OPCML: variants seen among roughly 807,000 people sequenced by gnomAD.
The protein encoded by OPCML is opioid-binding protein/cell adhesion molecule.
OPCML carries 13 observed loss-of-function variants against 37.8 expected under a neutral mutation model. The observed-to-expected ratio is 0.34, with a 90% CI of 0.22 to 0.55. The LOEUF is 0.55. OPCML is among the 20% of genes least tolerant of loss of function. The pLI is 0.91. For synonymous variants in OPCML, 176 were observed against 168.8 expected, an observed-to-expected ratio of 1.04 and a Z score of -0.33; for missense variants, 341 against 435.6, an observed-to-expected ratio of 0.78 and a Z score of 1.93.
At chr11:132,512,739 C>T (rs2096271589) in intron 4 of OPCML, among the ~76,000 whole-genome samples, 1 of 148,616 alleles carries the variant, frequency 6.7e-6, no homozygotes, top group Non-Finnish European at 1.5e-5. Context: ...ACATATTTTG[C>T]TAAATATATA....
At chr11:132,617,958 A>G (rs150711767) in intron 3 of OPCML, among the ~76,000 whole-genome samples, 34 of 152,322 alleles carry the variant, frequency 2.2e-4, no homozygotes, top group African/African-American at 8.2e-4. Context: ...TTCAGTCTAT[A>G]ACAGGTACCA....
intron 1 of OPCML, among the ~76,000 whole-genome samples, chr11:133,458,954 A>C (rs924290969): frequency 6.6e-6 from 1 of 151,846 alleles, no homozygotes; most frequent in African/African-American, 2.4e-5. Flanking sequence ...ATTAACAGAA[A>C]TTTTGGCCTG....
intron 1 of OPCML, among the ~76,000 whole-genome samples, chr11:133,431,488 G>A (rs918717228): frequency 6.6e-5 from 10 of 151,884 alleles, no homozygotes; most frequent in African/African-American, 1.2e-4. Context: ...TTTTCGACGC[G>A]GAGTTTTGCT....
At chr11:132,507,408 T>C (rs1315051044) in intron 4 of OPCML, among the ~76,000 whole-genome samples, 1 of 151,936 alleles carries the variant, frequency 6.6e-6, no homozygotes, top group African/African-American at 2.4e-5. Context: ...ACCATATGAA[T>C]TATATATAAC....
At chr11:133,047,235 G>A (rs1330723091) in intron 1 of OPCML, among the ~76,000 whole-genome samples, 1 of 152,202 alleles carries the variant, frequency 6.6e-6, no homozygotes, top group Non-Finnish European at 1.5e-5. Context: ...CACTTTTAGG[G>A]GAAACCCCAG....
intron 2 of OPCML, among the ~76,000 whole-genome samples, chr11:132,750,552 TAGC>T (rs1410646736): frequency 5.3e-5 from 8 of 152,136 alleles, no homozygotes; most frequent in Non-Finnish European, 1.2e-4. Context: ...CTTAGCAAAA[TAGC>T]AGCAAGTCAA....
chr11:132,764,004 G>T (rs1238465747), intron 2 of OPCML, among the ~76,000 whole-genome samples: 1 of 152,202 alleles, frequency 6.6e-6, no homozygotes, highest in Non-Finnish European at 1.5e-5. Context: ...CTCCCTCTAG[G>T]CCTCAAAGGC....
chr11:133,082,937 C>A (rs1156705831), intron 1 of OPCML, among the ~76,000 whole-genome samples: 1 of 150,578 alleles, frequency 6.6e-6, no homozygotes, highest in Admixed American at 6.6e-5. Context: ...CCGGGGCGGA[C>A]GTCGCGCCAG....
chr11:133,200,055 T>A (rs1938704562), intron 1 of OPCML, among the ~76,000 whole-genome samples: 1 of 152,112 alleles, frequency 6.6e-6, no homozygotes, highest in Non-Finnish European at 1.5e-5. Context: ...GCCAAATAGT[T>A]CTGCATTGCT....
At chr11:133,044,485 A>G (rs1243913794) in intron 1 of OPCML, among the ~76,000 whole-genome samples, 5 of 152,172 alleles carry the variant, frequency 3.3e-5, no homozygotes, top group African/African-American at 1.2e-4. Context: ...ACTGAGTCAC[A>G]CCAGTCTTTA....
intron 1 of OPCML, among the ~76,000 whole-genome samples, chr11:133,450,793 A>G (rs1470878146): frequency 6.6e-6 from 1 of 151,646 alleles, no homozygotes; most frequent in Non-Finnish European, 1.5e-5. Flanking sequence ...TGTCCTGGAT[A>G]GCTCAATGTG....
intron 4 of OPCML, among the ~76,000 whole-genome samples, chr11:132,486,410 G>A (rs2096200040): frequency 6.6e-6 from 1 of 151,898 alleles, no homozygotes; most frequent in Non-Finnish European, 1.5e-5. Flanking sequence ...TTTCTTCATT[G>A]TTAAAAAAAA....
At chr11:132,468,484 C>A (rs1195304218) in intron 4 of OPCML, among the ~76,000 whole-genome samples, 2 of 152,110 alleles carry the variant, frequency 1.3e-5, no homozygotes, top group African/African-American at 4.8e-5. Context: ...AAAACGATTT[C>A]TAAAAATCTT....
At chr11:133,487,587 A>T (rs534347013) in intron 1 of OPCML, among the ~76,000 whole-genome samples, 1 of 152,036 alleles carries the variant, frequency 6.6e-6, no homozygotes, top group African/African-American at 2.4e-5. Context: ...TCTTTTATTC[A>T]TCTGCTTATC....
At chr11:133,220,235 C>T (rs558964369) in intron 1 of OPCML, among the ~76,000 whole-genome samples, 85 of 152,262 alleles carry the variant, frequency 5.6e-4, no homozygotes, top group African/African-American at 2.0e-3. Flanking sequence ...TGCTGCCAGA[C>T]AGGAGAGGGA....
rs1256650928 is a variant in OPCML, at chr11:132,810,576, T to C, written c.146+132350A>G. Among the ~76,000 whole-genome samples, 3 of 152,172 alleles carry C rather than the reference T, an allele frequency of 2.0e-5. No homozygotes were observed. In the East Asian group the frequency reaches 5.8e-4, roughly 30 times the overall value. ...TGTGGTGGCGAGTGCCTATAATCCCTGCTACTCAGGAGGCTGAGGCAGGAG... is the reference window on the plus strand; with the variant it reads ...TGTGGTGGCGAGTGCCTATAATCCCCGCTACTCAGGAGGCTGAGGCAGGAG... On this transcript the variant is annotated intron_variant, in intron 2 of 7. Transcript: ENST00000524381.
intron 1 of OPCML, among the ~76,000 whole-genome samples, chr11:132,984,388 A>G (rs753022668): frequency 2.6e-5 from 4 of 152,222 alleles, no homozygotes; most frequent in South Asian, 2.1e-4. Flanking sequence ...GACCTTGGGG[A>G]AATAAGGATT....
At chr11:133,297,593 T>C (rs1942662468) in intron 1 of OPCML, 2 of 152,186 alleles carry the variant, frequency 1.3e-5, no homozygotes, top group Admixed American at 6.6e-5. Flanking sequence ...GCTGAGAAGA[T>C]TGAACTAATA....
chr11:132,525,599 C>T (rs889713257), intron 4 of OPCML, among the ~76,000 whole-genome samples: 1 of 152,278 alleles, frequency 6.6e-6, no homozygotes, highest in South Asian at 2.1e-4. Flanking sequence ...GAACAACTCC[C>T]TAATTGCAAG....
Sources: allele counts gnomAD v4.1 joint callset (sites outside exome capture counted in the v4.1 genomes callset), GRCh38; gene constraint gnomAD v4.1.1; transcripts MANE v1.5; gene names NCBI Gene and HGNC (gene_info 2026-07-23, HGNC 2026-07-21).